The following SPMIP3 variants were observed in gnomAD, a reference collection of about 807,000 sequenced individuals.
SPMIP3 encodes the protein sperm microtubule inner protein 3, also known as protein SPMIP3.
At chr1:244,367,189 G>A in the SPMIP3 span, among the ~76,000 whole-genome samples, 2 of 152,094 alleles carry the variant, frequency 1.3e-5, no homozygotes, top group East Asian at 1.9e-4. Context: ...AGGTTGGGAC[G>A]GTAGAGGCAG....
chr1:244,369,938 C>G, the SPMIP3 span, among the ~76,000 whole-genome samples: 1 of 152,148 alleles, frequency 6.6e-6, no homozygotes, highest in Non-Finnish European at 1.5e-5. Context: ...CCATGTTGAA[C>G]ATGCTGGCCC....
the SPMIP3 span, among the ~76,000 whole-genome samples, chr1:244,362,359 G>A: frequency 6.6e-6 from 1 of 152,144 alleles, no homozygotes; most frequent in Non-Finnish European, 1.5e-5. Flanking sequence ...TGCAGCCAGA[G>A]GGTTCCAGCC....
the SPMIP3 span, among the ~76,000 whole-genome samples, chr1:244,381,984 C>T: frequency 1.3e-5 from 2 of 152,206 alleles, no homozygotes; most frequent in East Asian, 1.9e-4. Flanking sequence ...TAGTCACATA[C>T]AGCCAGCTCT....
the SPMIP3 span, chr1:244,375,495 C>T: frequency 6.4e-7 from 1 of 1,567,918 alleles, no homozygotes; most frequent in Admixed American, 1.7e-5. Flanking sequence ...TCCCAATGTC[C>T]AAGAATGTCA....
the SPMIP3 span, among the ~76,000 whole-genome samples, chr1:244,381,668 T>C: frequency 1.3e-5 from 2 of 152,206 alleles, 1 homozygote; most frequent in African/African-American, 4.8e-5. Context: ...CAGTGGCTCA[T>C]GCCTGTAATC....
the SPMIP3 span, chr1:244,389,330 T>C: frequency 3.8e-6 from 1 of 264,674 alleles, no homozygotes; most frequent in South Asian, 5.6e-5. Flanking sequence ...TTTAGGCCAA[T>C]GTATACGCAG....
chr1:244,389,397 T>TA, the SPMIP3 span: 6 of 163,196 alleles, frequency 3.7e-5, no homozygotes, highest in East Asian at 6.9e-4. Flanking sequence ...TTGGGAAAAA[T>TA]AAAAAAAAGA....
the SPMIP3 span, among the ~76,000 whole-genome samples, chr1:244,356,243 T>A: frequency 0.4 from 60,415 of 151,760 alleles, 12,551 homozygotes; most frequent in Middle Eastern, 0.5. Context: ...TTAACCATTA[T>A]GTACGATGCT....
At chr1:244,386,185 C>G in the SPMIP3 span, among the ~76,000 whole-genome samples, 34 of 152,156 alleles carry the variant, frequency 2.2e-4, no homozygotes, top group East Asian at 6.6e-3. Flanking sequence ...CTCAAACAAA[C>G]AAAAACTCTT....
the SPMIP3 span, among the ~76,000 whole-genome samples, chr1:244,384,665 C>T: frequency 1.3e-5 from 2 of 152,112 alleles, no homozygotes; most frequent in Non-Finnish European, 2.9e-5. Flanking sequence ...AATTCCATAG[C>T]GCAGCCAAGT....
At chr1:244,389,074 G>A in the SPMIP3 span, 18 of 1,602,602 alleles carry the variant, frequency 1.1e-5, no homozygotes, top group Admixed American at 3.4e-5. Context: ...AAATAACCAC[G>A]GCATTCGAAC....
chr1:244,378,919 T>TATCTATTTA, the SPMIP3 span, among the ~76,000 whole-genome samples: 2 of 151,698 alleles, frequency 1.3e-5, no homozygotes, highest in Admixed American at 6.6e-5. Flanking sequence ...TTCTTTTATC[T>TATCTATTTA]TTTATTTATT....
chr1:244,383,847 G>C, the SPMIP3 span, among the ~76,000 whole-genome samples: 1 of 152,192 alleles, frequency 6.6e-6, no homozygotes, highest in African/African-American at 2.4e-5. Flanking sequence ...AGACGTTACA[G>C]GTCATATTCA....
chr1:244,353,635 C>T, the SPMIP3 span, among the ~76,000 whole-genome samples: 1 of 152,046 alleles, frequency 6.6e-6, no homozygotes, highest in Non-Finnish European at 1.5e-5. Context: ...GAAGAGAGGC[C>T]TCCTAGGGAA....
chr1:244,358,625 GTATA>G, the SPMIP3 span, among the ~76,000 whole-genome samples: 1 of 92,632 alleles, frequency 1.1e-5, no homozygotes, highest in Non-Finnish European at 2.5e-5. Flanking sequence ...GTGTGTGTGT[GTATA>G]TATATATATA....
At chr1:244,379,009 AACTCC>A in the SPMIP3 span, among the ~76,000 whole-genome samples, 4 of 151,828 alleles carry the variant, frequency 2.6e-5, no homozygotes, top group African/African-American at 9.7e-5. Flanking sequence ...GCTCACTGCA[AACTCC>A]GCCTCCTGGG....
At chr1:244,360,556 A>AGC in the SPMIP3 span, among the ~76,000 whole-genome samples, 1 of 24,222 alleles carries the variant, frequency 4.1e-5, no homozygotes, top group African/African-American at 9.4e-5. Context: ...ACACACACAC[A>AGC]CATGCATGCA....
At chr1:244,378,572 GC>G in the SPMIP3 span, 1 of 1,614,128 alleles carries the variant, frequency 6.2e-7, no homozygotes, top group Non-Finnish European at 8.5e-7. Context: ...GACATTCAAA[GC>G]CTGCCGAGCC....
chr1:244,386,387 T>G, the SPMIP3 span, among the ~76,000 whole-genome samples: 12 of 152,078 alleles, frequency 7.9e-5, no homozygotes, highest in Admixed American at 2.0e-4. Context: ...GATAAGGAAA[T>G]CCAAAAAATC....
Sources: gnomAD v4.1 joint callset for allele counts (sites outside exome capture counted in the v4.1 genomes callset) on GRCh38, gnomAD v4.1.1 for gene constraint, MANE v1.5 for transcripts, NCBI Gene and HGNC (gene_info 2026-07-23, HGNC 2026-07-21) for gene names.